The following PFDN1 variants were observed in gnomAD, a reference collection of about 807,000 sequenced individuals.
The protein encoded by PFDN1 is prefoldin subunit 1, also known as prefoldin 1.
A neutral mutation model predicts 17.3 loss-of-function variants in PFDN1; 6 were observed. That is an observed-to-expected ratio of 0.35 (90% CI 0.19 to 0.69). PFDN1 has a LOEUF of 0.69. Ranked by LOEUF, PFDN1 falls within the 30% of genes least tolerant of loss-of-function variation. The probability of loss-of-function intolerance (pLI) is 0.65; values close to 1 mark genes in which losing one functional copy is unlikely to be tolerated. For missense variants in PFDN1, 113 were observed against 146.2 expected (o/e 0.77, Z 1.17); for synonymous variants, 58 against 50.1 (o/e 1.16, Z -0.67).
At chr5:140,246,557 G>A (rs546525158) in intron 3 of PFDN1, among the ~76,000 whole-genome samples, 3 of 152,218 alleles carry the variant, frequency 2.0e-5, no homozygotes, top group South Asian at 2.1e-4. Context: ...GTCTCGCATC[G>A]CACTGAGTGG....
rs149674634 is a variant in PFDN1 at position 140,245,184 on chromosome 5, A to G, written c.*790T>C. ...CAACAAAATTCTTGAAAATTGAATA[A>G]TTGGCCCACCTGGGCTGGGATGAGC... is the stretch of plus-strand genomic sequence containing the variant. On this transcript the variant is annotated 3_prime_UTR_variant, in exon 4 of 4. Transcript: ENST00000261813. 326 of 308,944 alleles carry G rather than the reference A, an allele frequency of 1.1e-3. 10 individuals carry two copies. In the East Asian group the frequency reaches 0.018, roughly 17 times the overall value. 19.1% of individuals were successfully genotyped at this position (308,944 alleles called of 1,614,324 possible). A position where few individuals can be genotyped will look rare whatever the true frequency, so the allele number is the denominator to read the frequency against.
intron 3 of PFDN1, among the ~76,000 whole-genome samples, chr5:140,260,784 A>G (rs1419650204): frequency 1.3e-5 from 2 of 151,590 alleles, no homozygotes; most frequent in Non-Finnish European, 2.9e-5. Context: ...AACATTGTGT[A>G]TTTTATGTTA....
In PFDN1 at chr5:140,261,897, C is replaced by CA. The variant is rs557384833; in HGVS notation, c.286-15841dup. On this transcript the variant is annotated intron_variant, in intron 3 of 3. Transcript: ENST00000261813. Reference sequence around the variant, plus strand: ...TGACACTTCTCCATCCAGGGTGATGCAGGGCTCAGATCATGATGAAATCAC... The same window carrying CA: ...TGACACTTCTCCATCCAGGGTGATGCAAGGGCTCAGATCATGATGAAATCAC... Among the ~76,000 whole-genome samples, 83 of 152,026 alleles carry CA rather than the reference C, an allele frequency of 5.5e-4. 1 individual carries two copies. The highest frequency in any genetic ancestry group is 2.5e-3 in the Admixed American group (38 of 15,266).
intron 3 of PFDN1, among the ~76,000 whole-genome samples, chr5:140,246,476 G>T (rs1371364465): frequency 1.3e-5 from 2 of 152,358 alleles, no homozygotes; most frequent in East Asian, 3.9e-4. Flanking sequence ...AGCCACTGCA[G>T]CTATAAAATG....
chr5:140,296,260 A>T (rs79601656), intron 2 of PFDN1, among the ~76,000 whole-genome samples: 2,084 of 152,328 alleles, frequency 0.014, 44 homozygotes, highest in African/African-American at 0.045. Context: ...CCAAAAGAAA[A>T]AAGTTATTTT....
chr5:140,300,641 C>T (rs1765730364), intron 1 of PFDN1, 59 bp from the exon 2 acceptor site: 4 of 1,170,496 alleles, frequency 3.4e-6, no homozygotes, highest in Admixed American at 4.7e-5. Flanking sequence ...ACATTTACCT[C>T]AAATCCAAAT....
intron 2 of PFDN1, among the ~76,000 whole-genome samples, chr5:140,283,277 G>C (rs1381091576): frequency 5.9e-5 from 9 of 152,028 alleles, no homozygotes; most frequent in Non-Finnish European, 1.3e-4. Context: ...CTGTTGCCCA[G>C]GCTGGAGTGC....
intron 2 of PFDN1, among the ~76,000 whole-genome samples, chr5:140,287,967 T>G (rs1370211428): frequency 6.6e-6 from 1 of 152,154 alleles, no homozygotes; most frequent in African/African-American, 2.4e-5. Context: ...CAACAGAAAC[T>G]CTCATCCACT....
chr5:140,246,780 T>C (rs1009631067), intron 3 of PFDN1, among the ~76,000 whole-genome samples: 11 of 152,200 alleles, frequency 7.2e-5, no homozygotes, highest in African/African-American at 2.4e-4. Context: ...CTGTACATTA[T>C]TTGCCCTGTG....
chr5:140,262,829 A>C (rs2337081), intron 3 of PFDN1, among the ~76,000 whole-genome samples: 71,745 of 151,842 alleles, frequency 0.47, 17,177 homozygotes, highest in South Asian at 0.71. Flanking sequence ...CAAAATGCTA[A>C]CATTTGTTAA....
At chr5:140,255,101 GTTCA>G (rs1238770409) in intron 3 of PFDN1, among the ~76,000 whole-genome samples, 3 of 152,284 alleles carry the variant, frequency 2.0e-5, no homozygotes, top group Non-Finnish European at 2.9e-5. Context: ...TCCTTTATAT[GTTCA>G]TTGTCTGCTC....
intron 3 of PFDN1, among the ~76,000 whole-genome samples, chr5:140,262,856 C>A (rs2126682477): frequency 6.6e-6 from 1 of 151,752 alleles, no homozygotes; most frequent in South Asian, 2.1e-4. Context: ...ATGATAAATG[C>A]ACAGGTGTTT....
At chr5:140,284,446 GAA>G (rs749616919) in intron 2 of PFDN1, among the ~76,000 whole-genome samples, 1 of 152,132 alleles carries the variant, frequency 6.6e-6, no homozygotes, top group African/African-American at 2.4e-5. Context: ...TCTGATTTCT[GAA>G]AAAAAGTCTT....
chr5:140,248,043 G>A (rs1764856915), intron 3 of PFDN1, among the ~76,000 whole-genome samples: 1 of 151,748 alleles, frequency 6.6e-6, no homozygotes. Flanking sequence ...TATCAGAGTG[G>A]GAATTTAAAC....
intron 2 of PFDN1, chr5:140,292,882 T>TA (rs1765599243): frequency 6.6e-6 from 1 of 152,136 alleles, no homozygotes; most frequent in African/African-American, 2.4e-5. Flanking sequence ...CGTGTTCATA[T>TA]ATATGAACTG....
chr5:140,286,768 G>C (rs1765500889), intron 2 of PFDN1, among the ~76,000 whole-genome samples: 1 of 151,876 alleles, frequency 6.6e-6, no homozygotes, highest in Non-Finnish European at 1.5e-5. Context: ...ACCACACCCA[G>C]TTAATTTTTG....
Position 140,252,753 on chromosome 5 carries a change from C to G in PFDN1, c.286-6696G>C, listed in dbSNP as rs146546832. Among the ~76,000 whole-genome samples the G allele has an allele frequency of 7.2e-4, 110 of 152,046 alleles. No homozygotes were observed. The Middle Eastern group carries it at 0.02, about 28-fold the overall frequency. On this transcript the variant is annotated intron_variant, in intron 3 of 3. Transcript: ENST00000261813. ...TTGGTAGAAGGCAGGGGAAACAAGACAAAAACAGAAAAAAAGGCAACAAGA... is the reference window on the plus strand; with the variant it reads ...TTGGTAGAAGGCAGGGGAAACAAGAGAAAAACAGAAAAAAAGGCAACAAGA...
chr5:140,254,327 CTAA>C lies in PFDN1; in HGVS notation c.286-8273_286-8271del, dbSNP rs1425388847. Among the ~76,000 whole-genome samples the C allele has an allele frequency of 6.6e-6, 1 of 152,176 alleles. No homozygotes were observed. The highest frequency in any genetic ancestry group is 1.5e-5 in the Non-Finnish European group (1 of 68,030). ...ATTTTTAACTTTCACTGAAAGCTGCCTAATAAAAGCCTACATTTCCATCTGTCC... is the reference window on the plus strand; with the variant it reads ...ATTTTTAACTTTCACTGAAAGCTGCCTAAAAGCCTACATTTCCATCTGTCC... On this transcript the variant is annotated intron_variant, in intron 3 of 3. Transcript: ENST00000261813. This position sits in a 1 kb window ranked among gnomAD's most constrained non-coding sequence, Gnocchi z 4.4.
intron 2 of PFDN1, among the ~76,000 whole-genome samples, chr5:140,287,766 A>T (rs1375663599): frequency 6.6e-6 from 1 of 152,270 alleles, no homozygotes; most frequent in Non-Finnish European, 1.5e-5. Flanking sequence ...GACCATATTT[A>T]AAACAGGCAA....
Sources: gnomAD v4.1 joint callset for allele counts (sites outside exome capture counted in the v4.1 genomes callset) on GRCh38, gnomAD v4.1.1 for gene constraint, Gnocchi (gnomAD v3.1) non-coding constraint, MANE v1.5 for transcripts, NCBI Gene and HGNC (gene_info 2026-07-23, HGNC 2026-07-21) for gene names.